The following FAT3 variants were observed in gnomAD, a reference collection of about 807,000 sequenced individuals.
FAT3 encodes the protein FAT atypical cadherin 3, also known as protocadherin Fat 3.
In FAT3, 95 loss-of-function variants were observed where a neutral mutation model predicts 310.2. The ratio of observed to expected loss-of-function variants is 0.31; its 90% confidence interval spans 0.26 to 0.36. The LOEUF (loss-of-function observed/expected upper bound fraction) is 0.36, where lower values mean the gene tolerates loss of function less well. Among genes scored for constraint, FAT3 ranks in the 10% least tolerant of loss-of-function variants. FAT3 has a pLI of 1.00. For missense variants in FAT3, 5,408 were observed against 5,715.6 expected (o/e 0.95, Z 1.74); for synonymous variants, 2,314 against 2,192.9 (o/e 1.06, Z -1.54).
At chr11:92,865,630 T>C (rs1236516769) in intron 21 of FAT3, among the ~76,000 whole-genome samples, 2 of 152,232 alleles carry the variant, frequency 1.3e-5, no homozygotes, top group Non-Finnish European at 2.9e-5. Flanking sequence ...AATGTACACT[T>C]GTCTAGACAA....
chr11:92,734,562 A>C (rs1945283851), intron 4 of FAT3, among the ~76,000 whole-genome samples: 1 of 152,230 alleles, frequency 6.6e-6, no homozygotes, highest in Non-Finnish European at 1.5e-5. Context: ...TGGTTATCAT[A>C]ATAATAATGC....
chr11:92,666,932 C>A (rs2135811326), intron 3 of FAT3, among the ~76,000 whole-genome samples: 2 of 152,230 alleles, frequency 1.3e-5, no homozygotes, highest in South Asian at 4.1e-4. Context: ...GCCTATGCTG[C>A]AAGGCATAAT....
At chr11:92,584,367 C>G (rs12791556) in intron 3 of FAT3, among the ~76,000 whole-genome samples, 36,417 of 151,876 alleles carry the variant, frequency 0.24, 5,604 homozygotes, top group African/African-American at 0.44. Flanking sequence ...TGATTTATCC[C>G]TAATTCATAG....
intron 3 of FAT3, among the ~76,000 whole-genome samples, chr11:92,646,549 G>C (rs1280952591): frequency 6.6e-6 from 1 of 152,160 alleles, no homozygotes; most frequent in African/African-American, 2.4e-5. Flanking sequence ...GAAGGGAAAG[G>C]CATACTTACT....
At chr11:92,674,494 A>T (rs1943226144) in intron 3 of FAT3, among the ~76,000 whole-genome samples, 1 of 151,790 alleles carries the variant, frequency 6.6e-6, no homozygotes, top group African/African-American at 2.4e-5. Flanking sequence ...GAATTATGTT[A>T]CTTTACCTTA....
intron 3 of FAT3, among the ~76,000 whole-genome samples, chr11:92,529,526 CTTGTTTTTTTTGTT>C (rs1295818678): frequency 3.9e-5 from 6 of 152,016 alleles, no homozygotes; most frequent in South Asian, 2.1e-4. Flanking sequence ...TTTAAAGGGC[CTTGTTTTTTTTGTT>C]TTGTTTTTTT....
At chr11:92,646,684 G>T (rs1359253039) in intron 3 of FAT3, among the ~76,000 whole-genome samples, 2 of 152,160 alleles carry the variant, frequency 1.3e-5, no homozygotes, top group Non-Finnish European at 2.9e-5. Context: ...TTTGAGTTTT[G>T]GGCTGAGCCT....
intron 2 of FAT3, among the ~76,000 whole-genome samples, chr11:92,516,417 G>T (rs1299029555): frequency 6.6e-6 from 1 of 152,040 alleles, no homozygotes; most frequent in African/African-American, 2.4e-5. Context: ...ATGCAGAAAA[G>T]GCCTTCAATA....
chr11:92,243,647 G>A (rs1864761551), intron 1 of FAT3, among the ~76,000 whole-genome samples: 1 of 151,954 alleles, frequency 6.6e-6, no homozygotes. Flanking sequence ...ACTGACTCTT[G>A]TCATCAGTGT....
chr11:92,682,636 G>A (rs1253585230), intron 3 of FAT3, among the ~76,000 whole-genome samples: 1 of 152,180 alleles, frequency 6.6e-6, no homozygotes, highest in East Asian at 1.9e-4. Context: ...AACCATCTTA[G>A]TTTCCTTGAT....
chr11:92,380,310 T>C, intron 2 of FAT3, among the ~76,000 whole-genome samples: 1 of 152,156 alleles, frequency 6.6e-6, no homozygotes, highest in Non-Finnish European at 1.5e-5. Context: ...GTATGTGAAA[T>C]TCCACTTGCT....
At chr11:92,251,616 A>C (rs1183678490) in intron 1 of FAT3, among the ~76,000 whole-genome samples, 2 of 152,302 alleles carry the variant, frequency 1.3e-5, no homozygotes, top group African/African-American at 4.8e-5. Flanking sequence ...TAATTAAAGT[A>C]GAAATATAGT....
chr11:92,624,567 C>T (rs1941238158), intron 3 of FAT3, among the ~76,000 whole-genome samples: 1 of 152,180 alleles, frequency 6.6e-6, no homozygotes, highest in East Asian at 1.9e-4. Flanking sequence ...TGCTAGTGAT[C>T]CATGTGGAAG....
chr11:92,506,746 C>A (rs1953112536), intron 2 of FAT3, among the ~76,000 whole-genome samples: 2 of 152,128 alleles, frequency 1.3e-5, no homozygotes, highest in Admixed American at 1.3e-4. Context: ...TCTTCCCCGG[C>A]TTGAAGAAAC....
rs978059586 is a variant in FAT3, at chr11:92,669,675, G to T, written c.3608-27709G>T. ...GTTGGCCAGTATATCCAGAGGTGGG[G>T]TGGTAATTAACAGTGGTTAAGAACA... On this transcript the variant is annotated intron_variant, in intron 3 of 27. Transcript: ENST00000525166. Among the ~76,000 whole-genome samples the T allele has an allele frequency of 2.0e-5, 3 of 152,194 alleles. No homozygotes were observed. The East Asian group carries it at 5.8e-4, about 29-fold the overall frequency.
intron 7 of FAT3, among the ~76,000 whole-genome samples, chr11:92,781,339 TC>T (rs1383374642): frequency 6.6e-6 from 1 of 151,582 alleles, no homozygotes; most frequent in African/African-American, 2.4e-5. Context: ...CGCCTTGGCC[TC>T]CCACCGAGCC....
At chr11:92,373,815 CATAG>C (rs1385934269) in intron 2 of FAT3, among the ~76,000 whole-genome samples, 5 of 144,446 alleles carry the variant, frequency 3.5e-5, no homozygotes, top group Non-Finnish European at 6.1e-5. Flanking sequence ...CACACAGAGA[CATAG>C]ATAGATATGG....
At position 92,806,493 on chromosome 11, in the gene FAT3, A is replaced by AT; in HGVS notation, c.9231dup (p.Leu3078SerfsTer30). The AT allele has an allele frequency of 6.5e-7, 1 of 1,548,792 alleles. No individual in the cohort carries two copies. Among genetic ancestry groups the AT allele is most frequent in the Non-Finnish European group, 8.7e-7 (1 of 1,143,736 alleles). On this transcript the variant is annotated frameshift_variant, in exon 12 of 28. Transcript: ENST00000525166. LOFTEE classifies it high-confidence loss of function. ...CACTCTATGGATCTGGAAACAGTGAATTTTTTCTAGATCCAGAAAGTGGTA... is the reference window on the plus strand; with the variant it reads ...CACTCTATGGATCTGGAAACAGTGAATTTTTTTCTAGATCCAGAAAGTGGTA...
intron 2 of FAT3, among the ~76,000 whole-genome samples, chr11:92,381,646 A>G (rs376108300): frequency 1.3e-5 from 2 of 152,164 alleles, no homozygotes; most frequent in South Asian, 2.1e-4. Context: ...TAAGAAATAA[A>G]TAGATATATT....
Sources: gnomAD v4.1 joint callset for allele counts (sites outside exome capture counted in the v4.1 genomes callset) on GRCh38, gnomAD v4.1.1 for gene constraint, MANE v1.5 for transcripts, NCBI Gene and HGNC (gene_info 2026-07-23, HGNC 2026-07-21) for gene names.